The following NTNG2 variants were observed in gnomAD, a reference collection of about 807,000 sequenced individuals.
NTNG2 encodes netrin G2.
NTNG2 carries 15 observed loss-of-function variants against 47.6 expected under a neutral mutation model. The observed-to-expected ratio is 0.32, with a 90% CI of 0.21 to 0.49. The LOEUF (loss-of-function observed/expected upper bound fraction) is 0.49. NTNG2 is among the 20% of genes least tolerant of loss of function. NTNG2 has a pLI of 0.99. For synonymous variants in NTNG2, 307 were observed against 324.6 expected, an observed-to-expected ratio of 0.95 and a Z score of 0.58; for missense variants, 578 against 764.6, an observed-to-expected ratio of 0.76 and a Z score of 2.88.
At chr9:132,237,017 G>C (rs563759145) in intron 5 of NTNG2, among the ~76,000 whole-genome samples, 8 of 152,218 alleles carry the variant, frequency 5.3e-5, no homozygotes, top group Non-Finnish European at 8.8e-5. Flanking sequence ...GAGAGCAAGA[G>C]ACGGGCGTGG....
At chr9:132,179,958 G>T (rs1375736402) in intron 2 of NTNG2, among the ~76,000 whole-genome samples, 1 of 152,172 alleles carries the variant, frequency 6.6e-6, no homozygotes, top group Admixed American at 6.5e-5. Flanking sequence ...AATTGTATTG[G>T]AATATCCAGG....
chr9:132,206,182 G>A (rs1839153780), intron 3 of NTNG2, among the ~76,000 whole-genome samples: 1 of 152,118 alleles, frequency 6.6e-6, no homozygotes, highest in Non-Finnish European at 1.5e-5. Flanking sequence ...GGGGCCTATG[G>A]GCTCTTAGGA....
chr9:132,177,192 G>T (rs1476104102), intron 2 of NTNG2, among the ~76,000 whole-genome samples: 1 of 152,180 alleles, frequency 6.6e-6, no homozygotes, highest in East Asian at 1.9e-4. Flanking sequence ...TCACCATGTT[G>T]CCCAGGCTGG....
chr9:132,195,617 G>T (rs749311274), intron 2 of NTNG2, among the ~76,000 whole-genome samples: 1 of 150,200 alleles, frequency 6.7e-6, no homozygotes, highest in Admixed American at 6.7e-5. Flanking sequence ...GTGAGCCACC[G>T]CGCCTGGCCT....
At chr9:132,239,951 C>A (rs1337977380) in intron 6 of NTNG2, among the ~76,000 whole-genome samples, 13 of 152,260 alleles carry the variant, frequency 8.5e-5, no homozygotes, top group Non-Finnish European at 1.5e-5. Flanking sequence ...CAAGGACTGG[C>A]TTTTGGGTAG....
At chr9:132,168,774 G>A (rs568580619) in intron 2 of NTNG2, among the ~76,000 whole-genome samples, 6 of 152,300 alleles carry the variant, frequency 3.9e-5, no homozygotes, top group African/African-American at 1.2e-4. Context: ...TCTGTCTCTC[G>A]TATTAGAGTC....
At position 132,215,079 on chromosome 9, in the gene NTNG2, G is replaced by T. The variant is rs764703217; in HGVS notation, c.858-11770G>T. Among the ~76,000 whole-genome samples the T allele has an allele frequency of 5.8e-4, 16 of 27,780 alleles. No individual in the cohort carries two copies. The highest frequency in any genetic ancestry group is 1.1e-3 in the South Asian group (1 of 872). 18.2% of individuals were successfully genotyped at this position (27,780 alleles called of 152,430 possible). A position where few individuals can be genotyped will look rare whatever the true frequency, so the allele number is the denominator to read the frequency against. On this transcript the variant is annotated intron_variant, in intron 3 of 7. Transcript: ENST00000393229. The surrounding 1 kb of genome is among the most constrained non-coding windows in gnomAD (Gnocchi z 4.2). ...TTTTTTAATTTTTTTGTAGAGATTG[G>T]GGGGGGGGGTCTCACTTTCTTGCCC...
At chr9:132,172,507 T>C (rs953733422) in intron 2 of NTNG2, among the ~76,000 whole-genome samples, 1 of 152,228 alleles carries the variant, frequency 6.6e-6, no homozygotes, top group African/African-American at 2.4e-5. Flanking sequence ...CACTGCGTGC[T>C]GGCTGTTGGG....
At chr9:132,211,443 C>G (rs191088591) in intron 3 of NTNG2, among the ~76,000 whole-genome samples, 3 of 152,274 alleles carry the variant, frequency 2.0e-5, no homozygotes, top group Admixed American at 1.3e-4. Flanking sequence ...TGCACAATAT[C>G]TCTAGTGGTC....
intron 3 of NTNG2, among the ~76,000 whole-genome samples, chr9:132,202,668 G>C (rs188871596): frequency 6.6e-6 from 1 of 152,202 alleles, no homozygotes; most frequent in South Asian, 2.1e-4. Context: ...TGCTTGGAGC[G>C]GGAGGGGCCT....
chr9:132,196,919 T>A (rs1162542749), intron 2 of NTNG2, among the ~76,000 whole-genome samples: 1 of 152,194 alleles, frequency 6.6e-6, no homozygotes, highest in African/African-American at 2.4e-5. Context: ...GGTTTGATAG[T>A]TTGCTAGAAC....
At chr9:132,175,945 G>C (rs1319370417) in intron 2 of NTNG2, among the ~76,000 whole-genome samples, 3 of 152,170 alleles carry the variant, frequency 2.0e-5, no homozygotes, top group African/African-American at 7.2e-5. Flanking sequence ...TGCAGACAGA[G>C]GGGTCCTAGA....
rs1422539401 is a variant in NTNG2 at position 132,221,419 on chromosome 9, C to T, written c.858-5430C>T. ...ACACAAACACCATGTCCACACACAC[C>T]GACACAGAGGCAGTACCACCCACAG... is the stretch of plus-strand genomic sequence containing the variant. On this transcript the variant is annotated intron_variant, in intron 3 of 7. Transcript: ENST00000393229. The surrounding 1 kb of genome is among the most constrained non-coding windows in gnomAD (Gnocchi z 4.2). Among the ~76,000 whole-genome samples, 2 of 152,158 alleles carry T rather than the reference C, an allele frequency of 1.3e-5. No individual in the cohort carries two copies. The highest frequency in any genetic ancestry group is 2.4e-5 in the African/African-American group (1 of 41,414).
intron 2 of NTNG2, among the ~76,000 whole-genome samples, chr9:132,187,571 G>A (rs1195206993): frequency 3.0e-5 from 1 of 33,620 alleles, no homozygotes; most frequent in African/African-American, 4.2e-4. Flanking sequence ...GAGGGAGCAA[G>A]AGAGAGAGAG....
intron 5 of NTNG2, among the ~76,000 whole-genome samples, chr9:132,237,243 C>T (rs114222674): frequency 8.2e-4 from 125 of 152,232 alleles, no homozygotes; most frequent in African/African-American, 3.0e-3. Flanking sequence ...CTGGGCTCTT[C>T]GAGGAGAGGG....
Position 132,211,323 on chromosome 9 carries a change from G to A in NTNG2, c.857+12714G>A, listed in dbSNP as rs535200572. ...CAGCCTTGCCCCCTAGAAGAGAGGT[G>A]CAGGCTGGCGTCAGGATTTGGTTTC... On this transcript the variant is annotated intron_variant, in intron 3 of 7. Transcript: ENST00000393229. Among the ~76,000 whole-genome samples, 9 of 152,174 alleles carry A rather than the reference G, an allele frequency of 5.9e-5. 1 individual carries two copies. Among genetic ancestry groups the A allele is most frequent in the Non-Finnish European group, 1.3e-4 (9 of 68,022 alleles).
At position 132,189,439 on chromosome 9, in the gene NTNG2, A is replaced by T. The variant is rs1192422339; in HGVS notation, c.214-8527A>T. On this transcript the variant is annotated intron_variant, in intron 2 of 7. Coordinates refer to ENST00000393229, the MANE Select transcript of NTNG2 (RefSeq NM_032536.4). ...AAAAAGGTATCATCTCCTGGTGATA[A>T]ACTGGCGGGAATTTTGCAAGACCTG... is the stretch of plus-strand genomic sequence containing the variant. Among the ~76,000 whole-genome samples, 7 of 152,076 alleles carry T rather than the reference A, an allele frequency of 4.6e-5. 1 individual carries two copies. The South Asian group carries it at 1.5e-3, about 32-fold the overall frequency.
At chr9:132,168,638 C>T (rs902827745) in intron 2 of NTNG2, among the ~76,000 whole-genome samples, 1 of 152,112 alleles carries the variant, frequency 6.6e-6, no homozygotes, top group Admixed American at 6.5e-5. Context: ...GCCCCGGGGA[C>T]CGCAGGGCCA....
intron 3 of NTNG2, among the ~76,000 whole-genome samples, chr9:132,199,274 G>A (rs1054574146): frequency 6.6e-6 from 1 of 152,124 alleles, no homozygotes; most frequent in African/African-American, 2.4e-5. Context: ...TCATGTTCAG[G>A]GGTTTCCGAG....
Sources: allele counts gnomAD v4.1 joint callset (sites outside exome capture counted in the v4.1 genomes callset), GRCh38; gene constraint gnomAD v4.1.1; non-coding constraint Gnocchi (gnomAD v3.1); transcripts MANE v1.5; gene names NCBI Gene and HGNC (gene_info 2026-07-23, HGNC 2026-07-21).